PTPRZ1: variants seen among roughly 807,000 people sequenced by gnomAD.
PTPRZ1 encodes receptor-type tyrosine-protein phosphatase zeta.
A neutral mutation model predicts 214.1 loss-of-function variants in PTPRZ1; 82 were observed. The observed-to-expected ratio is 0.38, with a 90% CI of 0.32 to 0.46. The LOEUF is 0.46. Among genes scored for constraint, PTPRZ1 ranks in the 20% least tolerant of loss-of-function variants. The probability of loss-of-function intolerance (pLI) is 1.00; values close to 1 mark genes in which losing one functional copy is unlikely to be tolerated. For synonymous variants in PTPRZ1, 945 were observed against 987.9 expected, an observed-to-expected ratio of 0.96 and a Z score of 0.81; for missense variants, 2,603 against 2,748.7, an observed-to-expected ratio of 0.95 and a Z score of 1.19.
chr7:122,036,694 T>C lies in PTPRZ1; in HGVS notation c.5367+12T>C. The C allele has an allele frequency of 6.4e-7, 1 of 1,564,122 alleles. No homozygotes were observed. The highest frequency in any genetic ancestry group is 8.8e-7 in the Non-Finnish European group (1 of 1,135,372). On this transcript the variant is annotated intron_variant, in intron 18 of 29. Coordinates refer to ENST00000393386, the MANE Select transcript of PTPRZ1 (RefSeq NM_002851.3). ...CCAATTATGTTGATGTAAGCATGTT[T>C]TAATTGAAAATTTTATAGAAATCAT...
At chr7:122,058,617 A>G (rs962224799) in intron 27 of PTPRZ1, among the ~76,000 whole-genome samples, 183 bp from the exon 28 acceptor site, 3 of 152,152 alleles carry the variant, frequency 2.0e-5, no homozygotes, top group Admixed American at 6.6e-5. Flanking sequence ...AAATCTATGC[A>G]TGTTAAATGT....
intron 2 of PTPRZ1, among the ~76,000 whole-genome samples, chr7:121,936,602 G>A (rs186771976): frequency 5.9e-5 from 9 of 152,140 alleles, no homozygotes; most frequent in East Asian, 1.9e-4. Context: ...CAAAAGTTAC[G>A]TTAAAGTAGA....
chr7:121,883,124 A>G (rs537372893), intron 1 of PTPRZ1, among the ~76,000 whole-genome samples: 3 of 152,232 alleles, frequency 2.0e-5, no homozygotes, highest in Non-Finnish European at 2.9e-5. Flanking sequence ...TATTTATTGA[A>G]TGGTGAAACT....
At chr7:121,940,967 G>A (rs1280296251) in intron 2 of PTPRZ1, among the ~76,000 whole-genome samples, 1 of 152,140 alleles carries the variant, frequency 6.6e-6, no homozygotes, top group Non-Finnish European at 1.5e-5. Flanking sequence ...TGCCTGAATA[G>A]CAGACTATGC....
At chr7:121,989,691 G>A (rs1296094016) in intron 8 of PTPRZ1, among the ~76,000 whole-genome samples, 1 of 152,034 alleles carries the variant, frequency 6.6e-6, no homozygotes, top group Non-Finnish European at 1.5e-5. Context: ...TTTTCTTAAT[G>A]GATATACTAT....
intron 1 of PTPRZ1, among the ~76,000 whole-genome samples, chr7:121,873,991 G>C (rs1793970547): frequency 6.6e-6 from 1 of 151,610 alleles, no homozygotes. Context: ...TTATGCTATA[G>C]GTATGATGGG....
At chr7:121,951,100 C>A (rs556793786) in intron 2 of PTPRZ1, among the ~76,000 whole-genome samples, 4 of 152,262 alleles carry the variant, frequency 2.6e-5, no homozygotes, top group African/African-American at 9.6e-5. Flanking sequence ...ATTTTATGTT[C>A]TAGAGTTCTA....
intron 27 of PTPRZ1, among the ~76,000 whole-genome samples, chr7:122,056,816 A>C (rs758227376): frequency 4.0e-5 from 6 of 151,552 alleles, no homozygotes; most frequent in Non-Finnish European, 5.9e-5. Context: ...ATTAGTGTTT[A>C]TTGTTCTCTT....
chr7:121,983,874 A>G (rs936202408), intron 7 of PTPRZ1, 52 bp downstream of exon 7: 43 of 1,594,524 alleles, frequency 2.7e-5, no homozygotes, highest in Non-Finnish European at 3.6e-5. Flanking sequence ...TTTAAAAAAC[A>G]TTATGTTCTA....
rs1027045966 is a variant in PTPRZ1 at position 121,947,435 on chromosome 7, GATA to G, written c.124+19218_124+19220del. Among the ~76,000 whole-genome samples the G allele has an allele frequency of 5.3e-5, 8 of 152,062 alleles. No individual in the cohort carries two copies. The South Asian group carries it at 6.2e-4, about 12-fold the overall frequency. ...TTGCTTAATAAGAAAGAAAGGGAAA[GATA>G]ATATCATAGAGCTCACAAATATGAG... is the stretch of plus-strand genomic sequence containing the variant. On this transcript the variant is annotated intron_variant, in intron 2 of 29. Transcript: ENST00000393386.
At chr7:122,028,096 A>G (rs1799258093) in intron 13 of PTPRZ1, 1 of 155,322 alleles carries the variant, frequency 6.4e-6, no homozygotes. Flanking sequence ...GCTTTTTGCT[A>G]GCAGCTGTAT....
At chr7:121,920,834 A>G (rs1000089243) in intron 1 of PTPRZ1, among the ~76,000 whole-genome samples, 12 of 152,166 alleles carry the variant, frequency 7.9e-5, no homozygotes, top group Non-Finnish European at 1.3e-4. Flanking sequence ...AGAATGCTTT[A>G]AGTGAACTGT....
chr7:122,058,055 T>C (rs1224757949), intron 27 of PTPRZ1, among the ~76,000 whole-genome samples: 1 of 151,798 alleles, frequency 6.6e-6, no homozygotes, highest in African/African-American at 2.4e-5. Context: ...TGTTCATCCC[T>C]CAGCCACAAT....
At position 122,013,836 on chromosome 7, in the gene PTPRZ1, C is replaced by T; in HGVS notation, c.4790C>T (p.Pro1597Leu). The change falls in exon 12 of 30, where the codon CCA (proline) becomes CTA (leucine). Residue 1597 changes from proline (P) to leucine (L), a missense_variant. Pro to Leu is a moderately conservative substitution (Grantham distance 98). Around this residue, in one of 6 missense-constraint regions of PTPRZ1, gnomAD observed 1,913 missense variants for 1,914.3 expected, o/e 1.00. Transcript: ENST00000393386. ...ATAACTCCTGGATTCCCACAGTCCC[C>T]AACATCATCTGTTACTAGCGAGAAC... ...SEITPGFPQS[P>L]TSSVTSENSE... The T allele has an allele frequency of 6.2e-7, 1 of 1,613,942 alleles. No individual in the cohort carries two copies.
At chr7:121,988,265 A>G (rs1435179309) in intron 8 of PTPRZ1, among the ~76,000 whole-genome samples, 1 of 152,188 alleles carries the variant, frequency 6.6e-6, no homozygotes, top group Non-Finnish European at 1.5e-5. Flanking sequence ...GATGATACAG[A>G]ACTTTTTTTT....
chr7:122,037,047 C>T (rs971613882), intron 18 of PTPRZ1, among the ~76,000 whole-genome samples: 6 of 150,328 alleles, frequency 4.0e-5, no homozygotes, highest in African/African-American at 1.2e-4. Flanking sequence ...CTGAGGCAGG[C>T]GGATCACGAG....
At chr7:122,031,741 T>A (rs972829665) in intron 15 of PTPRZ1, 182 bp downstream of exon 15, 1 of 363,952 alleles carries the variant, frequency 2.7e-6, no homozygotes, top group African/African-American at 2.1e-5. Flanking sequence ...ATTTAGACAA[T>A]TGGTTTTCTA....
At chr7:122,054,455 A>G (rs1327940413) in intron 26 of PTPRZ1, among the ~76,000 whole-genome samples, 1 of 152,126 alleles carries the variant, frequency 6.6e-6, no homozygotes, top group Non-Finnish European at 1.5e-5. Flanking sequence ...TTCCTAGTAT[A>G]GGAAGGACTT....
At chr7:121,886,736 A>C (rs913223162) in intron 1 of PTPRZ1, among the ~76,000 whole-genome samples, 1 of 152,190 alleles carries the variant, frequency 6.6e-6, no homozygotes, top group Non-Finnish European at 1.5e-5. Context: ...TGTAATTCTC[A>C]GAAGGCAATT....
Sources: allele counts gnomAD v4.1 joint callset (sites outside exome capture counted in the v4.1 genomes callset), GRCh38; gene constraint gnomAD v4.1.1; regional missense constraint gnomAD v4.1.1; transcripts MANE v1.5; gene names NCBI Gene and HGNC (gene_info 2026-07-23, HGNC 2026-07-21).